WDPCP: variants seen among roughly 807,000 people sequenced by gnomAD.
WDPCP encodes the protein WD repeat containing planar cell polarity effector.
Under a neutral mutation model 93.1 loss-of-function variants are expected in WDPCP, and 71 were observed. The observed-to-expected ratio is 0.76, with a 90% CI of 0.63 to 0.93. The LOEUF (loss-of-function observed/expected upper bound fraction) is 0.93, where lower values mean the gene tolerates loss of function less well. Ranked by LOEUF, WDPCP falls within the 40% of genes least tolerant of loss-of-function variation. WDPCP has a pLI of 0.00. For synonymous variants in WDPCP, 315 were observed against 315.0 expected (o/e 1.00, Z 0.00); for missense variants, 844 against 887.4 (o/e 0.95, Z 0.62).
chr2:63,824,108 C>T (rs1671073475), intron 1 of WDPCP, among the ~76,000 whole-genome samples: 1 of 152,068 alleles, frequency 6.6e-6, no homozygotes, highest in Non-Finnish European at 1.5e-5. Flanking sequence ...GTGACTGGAT[C>T]ATAGGGGTAG....
intron 2 of WDPCP, among the ~76,000 whole-genome samples, chr2:63,661,059 T>C (rs1184167023): frequency 6.6e-6 from 1 of 152,204 alleles, no homozygotes; most frequent in Non-Finnish European, 1.5e-5. Context: ...TTTGTGTGAA[T>C]GTATGAGTTA....
At chr2:63,532,789 A>C (rs1002303953) in intron 1 of WDPCP, among the ~76,000 whole-genome samples, 3 of 152,240 alleles carry the variant, frequency 2.0e-5, no homozygotes, top group African/African-American at 7.2e-5. Context: ...TGCTAGGAAG[A>C]AACTGCATCA....
chr2:63,207,056 T>C (rs1473958231), intron 14 of WDPCP, among the ~76,000 whole-genome samples: 1 of 152,212 alleles, frequency 6.6e-6, no homozygotes, highest in Non-Finnish European at 1.5e-5. Flanking sequence ...AGTTACTTCA[T>C]ATGACTGGAA....
At chr2:63,345,980 A>G (rs1689163127) in intron 12 of WDPCP, among the ~76,000 whole-genome samples, 1 of 152,172 alleles carries the variant, frequency 6.6e-6, no homozygotes, top group South Asian at 2.1e-4. Flanking sequence ...GAGTTGCAAG[A>G]ATTCGACACT....
At chr2:63,231,978 C>T (rs570338767) in intron 14 of WDPCP, among the ~76,000 whole-genome samples, 6 of 152,258 alleles carry the variant, frequency 3.9e-5, no homozygotes, top group Admixed American at 3.3e-4. Flanking sequence ...GGTACCAAAA[C>T]AGAGATATAG....
chr2:63,587,924 G>A (rs1406047336), intron 1 of WDPCP, among the ~76,000 whole-genome samples: 3 of 152,236 alleles, frequency 2.0e-5, no homozygotes, highest in Non-Finnish European at 4.4e-5. Flanking sequence ...CTCCTGGAAG[G>A]GAGAGGCTCA....
intron 2 of WDPCP, among the ~76,000 whole-genome samples, chr2:63,692,321 G>A (rs141563009): frequency 6.6e-6 from 1 of 152,258 alleles, no homozygotes; most frequent in African/African-American, 2.4e-5. Context: ...GTGTGTGTAT[G>A]AGAGAAACTG....
chr2:63,536,373 G>A (rs1249337067), intron 1 of WDPCP, among the ~76,000 whole-genome samples: 1 of 152,148 alleles, frequency 6.6e-6, no homozygotes, highest in African/African-American at 2.4e-5. Context: ...TATACCCAAA[G>A]GATTATAAAT....
At chr2:63,440,602 A>G (rs907493452) in intron 6 of WDPCP, 1 of 152,716 alleles carries the variant, frequency 6.5e-6, no homozygotes, top group African/African-American at 2.4e-5. Context: ...TTGTGGCAGC[A>G]TAATTCATTC....
chr2:63,537,967 C>G (rs1194706697), intron 1 of WDPCP, among the ~76,000 whole-genome samples: 1 of 152,048 alleles, frequency 6.6e-6, no homozygotes, highest in African/African-American at 2.4e-5. Context: ...GCCATCTCTG[C>G]CGAACAAGAG....
At chr2:63,135,705 A>G (rs1670569625) in intron 17 of WDPCP, among the ~76,000 whole-genome samples, 1 of 152,092 alleles carries the variant, frequency 6.6e-6, no homozygotes, top group Admixed American at 6.5e-5. Flanking sequence ...TTTCCACAAA[A>G]GAGAATATGA....
intron 1 of WDPCP, among the ~76,000 whole-genome samples, chr2:63,824,933 T>A (rs548421486): frequency 6.6e-6 from 1 of 152,142 alleles, no homozygotes; most frequent in Non-Finnish European, 1.5e-5. Flanking sequence ...CAGTTAATAA[T>A]TGACATTTTC....
chr2:63,363,962 G>C (rs1690691192), intron 12 of WDPCP, among the ~76,000 whole-genome samples: 1 of 152,064 alleles, frequency 6.6e-6, no homozygotes, highest in Admixed American at 6.5e-5. Flanking sequence ...ATTGCCTGAG[G>C]CCAGGAGTTC....
intron 13 of WDPCP, among the ~76,000 whole-genome samples, chr2:63,304,595 G>T (rs939160965): frequency 1.3e-5 from 2 of 152,188 alleles, no homozygotes; most frequent in South Asian, 4.1e-4. Flanking sequence ...CATGGTTTTC[G>T]CAACTTGCAG....
At chr2:63,608,573 C>G (rs1709579138) in intron 3 of WDPCP, among the ~76,000 whole-genome samples, 1 of 152,024 alleles carries the variant, frequency 6.6e-6, no homozygotes, top group Non-Finnish European at 1.5e-5. Flanking sequence ...CTTTGGGAGG[C>G]CAGGGCAGGA....
chr2:63,157,867 T>C (rs1336571448), intron 15 of WDPCP, among the ~76,000 whole-genome samples: 6 of 152,132 alleles, frequency 3.9e-5, no homozygotes, highest in Non-Finnish European at 8.8e-5. Flanking sequence ...TTCAATGATA[T>C]ATGCTCTTTA....
chr2:63,331,583 T>C (rs1687980326), intron 12 of WDPCP, among the ~76,000 whole-genome samples: 1 of 152,242 alleles, frequency 6.6e-6, no homozygotes, highest in Non-Finnish European at 1.5e-5. Context: ...TTTAGATGAA[T>C]GTATAGTTAT....
At chr2:63,741,768 A>G (rs1372287752) in intron 2 of WDPCP, among the ~76,000 whole-genome samples, 1 of 152,128 alleles carries the variant, frequency 6.6e-6, no homozygotes, top group African/African-American at 2.4e-5. Context: ...CAACAAATAA[A>G]GCCCCCTCTT....
chr2:63,190,199 G>A (rs939711412), intron 14 of WDPCP, among the ~76,000 whole-genome samples: 3 of 152,014 alleles, frequency 2.0e-5, no homozygotes, highest in Non-Finnish European at 4.4e-5. Context: ...AGGCTGAGGC[G>A]GGCGGATTGC....
Sources: allele counts gnomAD v4.1 joint callset (sites outside exome capture counted in the v4.1 genomes callset), GRCh38; gene constraint gnomAD v4.1.1; transcripts MANE v1.5; gene names NCBI Gene and HGNC (gene_info 2026-07-23, HGNC 2026-07-21).